The following MMP16 variants were observed in gnomAD, a reference collection of about 807,000 sequenced individuals.
The protein encoded by MMP16 is matrix metalloproteinase-16.
Under a neutral mutation model 67.8 loss-of-function variants are expected in MMP16, and 12 were observed. The ratio of observed to expected loss-of-function variants is 0.18; its 90% CI spans 0.11 to 0.29. The LOEUF (loss-of-function observed/expected upper bound fraction) is 0.29, where lower values mean the gene tolerates loss of function less well. MMP16 is among the 10% of genes least tolerant of loss of function. The pLI is 1.00. For synonymous variants in MMP16, 249 were observed against 255.9 expected (o/e 0.97, Z 0.26); for missense variants, 475 against 765.7 (o/e 0.62, Z 4.48).
intron 1 of MMP16, among the ~76,000 whole-genome samples, chr8:88,296,519 G>A (rs1811015261): frequency 6.6e-6 from 1 of 151,938 alleles, no homozygotes; most frequent in African/African-American, 2.4e-5. Flanking sequence ...CAGTATAGGT[G>A]GTACCATTTT....
intron 4 of MMP16, among the ~76,000 whole-genome samples, chr8:88,140,635 T>C (rs754913686): frequency 1.9e-4 from 29 of 152,242 alleles, no homozygotes; most frequent in Non-Finnish European, 2.2e-4. Context: ...TACTGAATGA[T>C]TTTTTTGGTG....
At position 88,251,369 on chromosome 8, in the gene MMP16, C is replaced by A. The variant is rs942317136; in HGVS notation, c.133-54063G>T. On this transcript the variant is annotated intron_variant, in intron 1 of 9. Transcript: ENST00000286614. Reference sequence around the variant, plus strand: ...CTACAACTATCTGATCTTTGACAAACCTGAGAAAAACAAGCAATGGGGAAA... The same window carrying A: ...CTACAACTATCTGATCTTTGACAAAACTGAGAAAAACAAGCAATGGGGAAA... 2.6e-3 allele frequency among the ~76,000 whole-genome samples: 394 copies of A among 150,648 alleles called. 2 individuals are homozygous for A. Among genetic ancestry groups the A allele is most frequent in the African/African-American group, 9.1e-3 (370 of 40,516 alleles).
chr8:88,215,440 C>G (rs1809576778), intron 1 of MMP16, among the ~76,000 whole-genome samples: 1 of 152,106 alleles, frequency 6.6e-6, no homozygotes, highest in Non-Finnish European at 1.5e-5. Flanking sequence ...AGGTTAACCT[C>G]TATGGACTGT....
At chr8:88,233,224 A>AT (rs557684396) in intron 1 of MMP16, among the ~76,000 whole-genome samples, 31 of 152,074 alleles carry the variant, frequency 2.0e-4, no homozygotes, top group Non-Finnish European at 3.5e-4. Context: ...TCCACTCCTT[A>AT]TTTTTTTTAA....
intron 4 of MMP16, among the ~76,000 whole-genome samples, chr8:88,149,767 C>T (rs2129642263): frequency 6.6e-6 from 1 of 152,106 alleles, no homozygotes; most frequent in African/African-American, 2.4e-5. Flanking sequence ...GGGGAAAAAA[C>T]AGAACAGAAA....
At chr8:88,301,038 ATCTT>A (rs1811090405) in intron 1 of MMP16, among the ~76,000 whole-genome samples, 2 of 152,352 alleles carry the variant, frequency 1.3e-5, no homozygotes, top group Non-Finnish European at 2.9e-5. Flanking sequence ...GATCACTTAA[ATCTT>A]TATTTTTGCC....
intron 1 of MMP16, among the ~76,000 whole-genome samples, chr8:88,232,380 C>T (rs189259604): frequency 6.0e-4 from 91 of 152,138 alleles, no homozygotes; most frequent in Middle Eastern, 6.8e-3. Flanking sequence ...TCTGTAAAAC[C>T]GGCAAATAGT....
intron 1 of MMP16, among the ~76,000 whole-genome samples, chr8:88,311,383 T>C (rs1371059770): frequency 6.6e-6 from 1 of 152,162 alleles, no homozygotes; most frequent in East Asian, 1.9e-4. Flanking sequence ...TTTGCCTTTT[T>C]ACTCTCATTC....
intron 1 of MMP16, among the ~76,000 whole-genome samples, chr8:88,250,044 T>TC (rs1170456259): frequency 6.6e-6 from 1 of 152,136 alleles, no homozygotes; most frequent in African/African-American, 2.4e-5. Flanking sequence ...TGTCATATCT[T>TC]CCTTTAATGC....
At chr8:88,326,793 T>C (rs991756381) in intron 1 of MMP16, 3 of 337,148 alleles carry the variant, frequency 8.9e-6, no homozygotes, top group Non-Finnish European at 1.7e-5. Flanking sequence ...GGTTGCTATA[T>C]GTAGGACTTC....
chr8:88,166,549 GGATA>G (rs1449403600), intron 4 of MMP16, among the ~76,000 whole-genome samples: 2 of 150,518 alleles, frequency 1.3e-5, no homozygotes, highest in East Asian at 2.0e-4. Context: ...GAAAACTGAT[GGATA>G]GTTAGGATAG....
chr8:88,250,190 C>T (rs1174386217), intron 1 of MMP16, among the ~76,000 whole-genome samples: 6 of 151,898 alleles, frequency 4.0e-5, no homozygotes, highest in South Asian at 2.1e-4. Context: ...CATTCCTGCC[C>T]GACAAATTTC....
intron 6 of MMP16, among the ~76,000 whole-genome samples, chr8:88,105,414 C>T (rs1216791756): frequency 6.6e-6 from 1 of 151,422 alleles, no homozygotes. Context: ...AGTTTAAATT[C>T]AAAATCACCT....
chr8:88,183,760 G>A (rs1380054517), intron 3 of MMP16, among the ~76,000 whole-genome samples: 2 of 120,850 alleles, frequency 1.7e-5, no homozygotes, highest in African/African-American at 6.1e-5. Context: ...TTGTCATCCA[G>A]GCTGGAGTGC....
chr8:88,106,779 C>G (rs1254544138), intron 6 of MMP16, among the ~76,000 whole-genome samples: 1 of 151,016 alleles, frequency 6.6e-6, no homozygotes, highest in African/African-American at 2.4e-5. Context: ...AATTTTTCAA[C>G]TGGGTGTATT....
intron 1 of MMP16, among the ~76,000 whole-genome samples, chr8:88,325,550 T>C (rs1811522411): frequency 6.6e-6 from 1 of 152,194 alleles, no homozygotes; most frequent in South Asian, 2.1e-4. Flanking sequence ...GCCTATGAAC[T>C]AATCCTTCAT....
chr8:88,272,103 T>C, intron 1 of MMP16, among the ~76,000 whole-genome samples: 1 of 152,124 alleles, frequency 6.6e-6, no homozygotes, highest in East Asian at 1.9e-4. Flanking sequence ...AACAGTTAAA[T>C]GTGCATGTCC....
intron 1 of MMP16, among the ~76,000 whole-genome samples, chr8:88,306,784 A>G (rs1811217699): frequency 6.6e-6 from 1 of 152,198 alleles, no homozygotes; most frequent in African/African-American, 2.4e-5. Context: ...ACACTGTAAA[A>G]TAATAAGAGC....
chr8:88,225,565 A>G (rs2129858618), intron 1 of MMP16, among the ~76,000 whole-genome samples: 1 of 152,044 alleles, frequency 6.6e-6, no homozygotes, highest in Admixed American at 6.6e-5. Context: ...AATTAATCCC[A>G]CCTATTCAGC....
Sources: gnomAD v4.1 joint callset for allele counts (sites outside exome capture counted in the v4.1 genomes callset) on GRCh38, gnomAD v4.1.1 for gene constraint, MANE v1.5 for transcripts, NCBI Gene and HGNC (gene_info 2026-07-23, HGNC 2026-07-21) for gene names.